Variants in SGCZ observed in about 807,000 individuals in gnomAD.
SGCZ encodes sarcoglycan zeta, also known as zeta-sarcoglycan.
A neutral mutation model predicts 41.3 loss-of-function variants in SGCZ; 40 were observed. The observed-to-expected ratio is 0.97, with a 90% CI of 0.75 to 1.26. The LOEUF (loss-of-function observed/expected upper bound fraction) is 1.26. SGCZ is among the 50% of genes most tolerant of loss of function. The pLI is 0.00. For synonymous variants in SGCZ, 206 were observed against 137.5 expected (o/e 1.50, Z -3.49); for missense variants, 552 against 369.8 (o/e 1.49, Z -4.04).
chr8:14,216,855 T>A (rs962874238), intron 4 of SGCZ, among the ~76,000 whole-genome samples: 2 of 152,124 alleles, frequency 1.3e-5, no homozygotes, highest in Non-Finnish European at 2.9e-5. Context: ...GTCCTAACAT[T>A]GTATTCAGCA....
chr8:14,134,564 T>G (rs979221456), intron 5 of SGCZ, among the ~76,000 whole-genome samples: 1 of 152,234 alleles, frequency 6.6e-6, no homozygotes, highest in African/African-American at 2.4e-5. Context: ...AGTTACTGTA[T>G]GTTATTTTGC....
At chr8:14,944,509 C>G (rs2130825300) in intron 1 of SGCZ, among the ~76,000 whole-genome samples, 1 of 152,182 alleles carries the variant, frequency 6.6e-6, no homozygotes, top group South Asian at 2.1e-4. Context: ...AACTTTAGGC[C>G]ATTCTATCAC....
intron 1 of SGCZ, among the ~76,000 whole-genome samples, chr8:14,580,238 AC>A (rs1804844166): frequency 6.6e-6 from 1 of 152,216 alleles, no homozygotes; most frequent in African/African-American, 2.4e-5. Context: ...TACTTTTGAA[AC>A]TAGGAATCTT....
chr8:14,147,414 T>G (rs1018543889), intron 5 of SGCZ, among the ~76,000 whole-genome samples: 1 of 152,116 alleles, frequency 6.6e-6, no homozygotes, highest in Non-Finnish European at 1.5e-5. Context: ...CAGGAGTTGC[T>G]ATACTCATAT....
intron 1 of SGCZ, among the ~76,000 whole-genome samples, chr8:15,165,127 T>C (rs1458801254): frequency 6.6e-6 from 1 of 151,910 alleles, no homozygotes; most frequent in Non-Finnish European, 1.5e-5. Flanking sequence ...CTGTCTCTAA[T>C]AAAAATACAA....
At chr8:14,300,854 T>G (rs1173365844) in intron 3 of SGCZ, among the ~76,000 whole-genome samples, 1 of 152,046 alleles carries the variant, frequency 6.6e-6, no homozygotes, top group Non-Finnish European at 1.5e-5. Flanking sequence ...GTGAGTTCCT[T>G]ATATATTCTG....
At chr8:14,436,819 T>C (rs1047242608) in intron 2 of SGCZ, among the ~76,000 whole-genome samples, 1 of 152,222 alleles carries the variant, frequency 6.6e-6, no homozygotes, top group African/African-American at 2.4e-5. Context: ...TTGTGTGATT[T>C]AGCTGAAACC....
At chr8:14,181,212 T>C (rs1313494863) in intron 4 of SGCZ, among the ~76,000 whole-genome samples, 2 of 152,300 alleles carry the variant, frequency 1.3e-5, no homozygotes, top group Admixed American at 1.3e-4. Context: ...TTTTCAACCA[T>C]AGGTGGTTAT....
In SGCZ at chr8:14,763,870, T is replaced by C. The variant is rs75380843; in HGVS notation, c.40-208944A>G. ...CACAGATAGTTAGGAACTATGAGTTTCTCTATGGGAGCAAAAAGACACACC... is the reference window on the plus strand; with the variant it reads ...CACAGATAGTTAGGAACTATGAGTTCCTCTATGGGAGCAAAAAGACACACC... On this transcript the variant is annotated intron_variant, in intron 1 of 7. Transcript: ENST00000382080. 5.2e-3 allele frequency among the ~76,000 whole-genome samples: 789 copies of C among 152,326 alleles called. 2 individuals carry two copies. The highest frequency in any genetic ancestry group is 0.018 in the African/African-American group (734 of 41,588).
chr8:14,498,428 T>G (rs533480023), intron 2 of SGCZ, among the ~76,000 whole-genome samples: 4 of 152,110 alleles, frequency 2.6e-5, no homozygotes, highest in Non-Finnish European at 4.4e-5. Context: ...GCTATCATAA[T>G]GCAATATGAG....
At chr8:14,430,906 C>G (rs1189263577) in intron 2 of SGCZ, among the ~76,000 whole-genome samples, 1 of 152,060 alleles carries the variant, frequency 6.6e-6, no homozygotes, top group Non-Finnish European at 1.5e-5. Context: ...CAACAGCGAC[C>G]AAGCTGAGAA....
At chr8:14,343,520 G>C (rs895491203) in intron 2 of SGCZ, among the ~76,000 whole-genome samples, 1 of 152,188 alleles carries the variant, frequency 6.6e-6, no homozygotes, top group Admixed American at 6.5e-5. Flanking sequence ...GCTGATTAGA[G>C]GCTAAGGAGC....
At chr8:15,160,823 C>T (rs1487473880) in intron 1 of SGCZ, among the ~76,000 whole-genome samples, 1 of 152,148 alleles carries the variant, frequency 6.6e-6, no homozygotes, top group East Asian at 1.9e-4. Context: ...CACATGCCAC[C>T]GTCTATGCCT....
intron 4 of SGCZ, among the ~76,000 whole-genome samples, chr8:14,177,675 ATTTTTTTTTTTT>A (rs1193141913): frequency 1.8e-5 from 2 of 111,338 alleles, no homozygotes; most frequent in African/African-American, 6.5e-5. Context: ...ACGCCCTGCT[ATTTTTTTTTTTT>A]TTTTTTTTTT....
At chr8:14,293,338 T>A (rs553928671) in intron 3 of SGCZ, among the ~76,000 whole-genome samples, 3 of 152,084 alleles carry the variant, frequency 2.0e-5, no homozygotes, top group African/African-American at 4.8e-5. Context: ...CATCTGCATA[T>A]AAAAGTAGAA....
intron 3 of SGCZ, chr8:14,308,931 C>T (rs1801433584): frequency 1.3e-5 from 7 of 546,208 alleles, no homozygotes; most frequent in Non-Finnish European, 2.3e-5. Flanking sequence ...ATCCAGTAGA[C>T]TAACAAAGTG....
chr8:15,043,655 A>G (rs535024335), intron 1 of SGCZ, among the ~76,000 whole-genome samples: 89 of 152,192 alleles, frequency 5.8e-4, no homozygotes, highest in African/African-American at 2.0e-3. Flanking sequence ...CTATATTAAA[A>G]AATTGTTAAA....
chr8:14,431,718 G>A (rs139012749), intron 2 of SGCZ, among the ~76,000 whole-genome samples: 50 of 152,228 alleles, frequency 3.3e-4, no homozygotes, highest in East Asian at 1.9e-3. Context: ...ACTTTTGCAC[G>A]GCAAAAAGAA....
chr8:15,109,534 C>A (rs1466915071), intron 1 of SGCZ, among the ~76,000 whole-genome samples: 2 of 152,034 alleles, frequency 1.3e-5, no homozygotes, highest in Non-Finnish European at 2.9e-5. Flanking sequence ...GATTTAATTG[C>A]AAATTTGAAT....
Sources: gnomAD v4.1 joint callset for allele counts (sites outside exome capture counted in the v4.1 genomes callset) on GRCh38, gnomAD v4.1.1 for gene constraint, MANE v1.5 for transcripts, NCBI Gene and HGNC (gene_info 2026-07-23, HGNC 2026-07-21) for gene names.